RGL1: variants seen among roughly 807,000 people sequenced by gnomAD.
RGL1 encodes ral guanine nucleotide dissociation stimulator-like 1.
RGL1 carries 24 observed loss-of-function variants against 95.2 expected under a neutral mutation model. That is an observed-to-expected ratio of 0.25 (90% confidence interval 0.18 to 0.35). RGL1 has a LOEUF of 0.35. RGL1 is among the 10% of genes least tolerant of loss of function. RGL1 has a pLI of 1.00. For missense variants in RGL1, 715 were observed against 936.3 expected (o/e 0.76, Z 3.08); for synonymous variants, 329 against 344.9 (o/e 0.95, Z 0.51).
intron 1 of RGL1, among the ~76,000 whole-genome samples, chr1:183,715,707 A>G (rs180703157): frequency 1.4e-5 from 2 of 139,446 alleles, no homozygotes; most frequent in African/African-American, 2.6e-5. Flanking sequence ...AACAGAACCA[A>G]TTGGAGACCT....
Position 183,905,010 on chromosome 1 carries a change from G to T in RGL1, c.1472+39G>T, listed in dbSNP as rs540916430. Reference sequence around the variant, plus strand: ...TCGTTCATCGGGGTAGAACTGAAGTGTTGGCAAGAAAAATGCTGCATTTAA... The same window carrying T: ...TCGTTCATCGGGGTAGAACTGAAGTTTTGGCAAGAAAAATGCTGCATTTAA... On this transcript the variant is annotated intron_variant, in intron 13 of 17. Coordinates refer to ENST00000360851, the MANE Select transcript of RGL1 (RefSeq NM_001297671.3). 12 of 1,587,522 alleles carry T rather than the reference G, an allele frequency of 7.6e-6. No homozygotes were observed. In the African/African-American group the frequency reaches 1.4e-4, roughly 18 times the overall value.
At chr1:183,837,716 G>T (rs987084332) in intron 2 of RGL1, among the ~76,000 whole-genome samples, 1 of 152,208 alleles carries the variant, frequency 6.6e-6, no homozygotes, top group African/African-American at 2.4e-5. Context: ...CCTTAGTTCA[G>T]CAGTCCCCAA....
chr1:183,915,300 A>G (rs1308076438), intron 15 of RGL1, among the ~76,000 whole-genome samples: 1 of 152,226 alleles, frequency 6.6e-6, no homozygotes, highest in Non-Finnish European at 1.5e-5. Context: ...TAGGATTAAC[A>G]TGGTATAATT....
chr1:183,691,874 G>A (rs1187774022), intron 1 of RGL1, among the ~76,000 whole-genome samples: 1 of 151,942 alleles, frequency 6.6e-6, no homozygotes, highest in Non-Finnish European at 1.5e-5. Context: ...TAAGAAAAAT[G>A]CTCAGATCAT....
At chr1:183,887,848 C>T (rs546867090) in intron 7 of RGL1, among the ~76,000 whole-genome samples, 114 of 152,070 alleles carry the variant, frequency 7.5e-4, no homozygotes, top group African/African-American at 2.6e-3. Context: ...TTTAAAAGGC[C>T]GAGTTATTTT....
rs1003042820 is a variant in RGL1 at position 183,880,268 on chromosome 1, T to C, written c.426-348T>C. On this transcript the variant is annotated intron_variant, in intron 4 of 17. Coordinates refer to ENST00000360851, the MANE Select transcript of RGL1 (RefSeq NM_001297671.3). ...GGATTTAATTTGAGCATAATCTTAT[T>C]GTGTACAGATTGCTTTGAAGTTTCT... 2.6e-5 allele frequency among the ~76,000 whole-genome samples: 4 copies of C among 152,344 alleles called. No individual in the cohort carries two copies. In the East Asian group the frequency reaches 5.8e-4, roughly 22 times the overall value.
intron 1 of RGL1, among the ~76,000 whole-genome samples, chr1:183,735,276 G>T (rs1378200904): frequency 1.3e-5 from 2 of 152,162 alleles, no homozygotes; most frequent in African/African-American, 4.8e-5. Context: ...GTGCAACCTT[G>T]CTCAGCATTT....
rs1664972065 is a variant in RGL1 at position 183,853,779 on chromosome 1, C to T, written c.347+6005C>T. Among the ~76,000 whole-genome samples, 8 of 152,020 alleles carry T rather than the reference C, an allele frequency of 5.3e-5. No individual in the cohort carries two copies. In the South Asian group the frequency reaches 1.7e-3, roughly 32 times the overall value. On this transcript the variant is annotated intron_variant, in intron 3 of 17. Transcript: ENST00000360851. The stretch of plus-strand genomic sequence containing the variant: ...CCTACTCCTTTCTGACTTGGAAGCT[C>T]TTTCCAAGTGTACAATATCACCTTC...
chr1:183,704,692 A>G (rs775133390), intron 1 of RGL1, among the ~76,000 whole-genome samples: 3 of 152,204 alleles, frequency 2.0e-5, no homozygotes, highest in Non-Finnish European at 4.4e-5. Context: ...GCTGGTTAGC[A>G]TGGTGATGTG....
chr1:183,897,219 C>T (rs1667751797), intron 9 of RGL1, among the ~76,000 whole-genome samples: 1 of 152,116 alleles, frequency 6.6e-6, no homozygotes. Flanking sequence ...ATAACCAAAT[C>T]AGGTGATCTT....
In RGL1 at chr1:183,702,484, C is replaced by T. The variant is rs151067632; in HGVS notation, c.-32-39642C>T. ...ATACCTAGTAGATCCATCAGATGAA[C>T]GCTGGTTGCAAAGTCATTGCATATT... On this transcript the variant is annotated intron_variant, in intron 1 of 18. Coordinates refer to the RGL1 transcript ENST00000304685. Among the ~76,000 whole-genome samples the T allele has an allele frequency of 9.5e-4, 145 of 152,272 alleles. 1 individual carries two copies. The highest frequency in any genetic ancestry group is 3.4e-3 in the African/African-American group (142 of 41,540).
intron 3 of RGL1, among the ~76,000 whole-genome samples, chr1:183,864,728 T>C (rs1028956835): frequency 3.9e-5 from 6 of 152,100 alleles, no homozygotes; most frequent in Admixed American, 3.9e-4. Context: ...AAAATATCTT[T>C]GAGAGGCCAA....
intron 1 of RGL1, among the ~76,000 whole-genome samples, chr1:183,710,996 C>A (rs772691959): frequency 3.3e-5 from 5 of 152,216 alleles, no homozygotes; most frequent in Non-Finnish European, 5.9e-5. Flanking sequence ...AGCTACACTT[C>A]TGCATCTTTG....
At chr1:183,766,865 A>G (rs1401122627) in intron 2 of RGL1, among the ~76,000 whole-genome samples, 1 of 152,130 alleles carries the variant, frequency 6.6e-6, no homozygotes, top group Non-Finnish European at 1.5e-5. Context: ...AATGTTGGAA[A>G]AACATGGGAA....
chr1:183,787,966 A>G (rs1269872152), intron 2 of RGL1, among the ~76,000 whole-genome samples: 1 of 152,102 alleles, frequency 6.6e-6, no homozygotes, highest in African/African-American at 2.4e-5. Flanking sequence ...CTGGTGGTGC[A>G]TCTGCAGAGC....
intron 7 of RGL1, among the ~76,000 whole-genome samples, chr1:183,886,945 T>C (rs1241042451): frequency 6.6e-6 from 1 of 152,102 alleles, no homozygotes; most frequent in Non-Finnish European, 1.5e-5. Context: ...CCTTTTGTAC[T>C]CCTTTAAACC....
Position 183,897,803 on chromosome 1 carries a change from C to T in RGL1, c.1141-5C>T, listed in dbSNP as rs753334897. 5.0e-6 allele frequency: 8 copies of T among 1,611,674 alleles called. No individual in the cohort carries two copies. The South Asian group carries it at 8.8e-5, about 18-fold the overall frequency. ...ATTCCCTCTGTGTGCATTTCTGTTT[C>T]TCAGGAAGGAACCTCAAAATTTGCA... is the stretch of plus-strand genomic sequence containing the variant. On this transcript the variant is annotated splice_region_variant and splice_polypyrimidine_tract_variant and intron_variant, in intron 9 of 17. Coordinates refer to ENST00000360851, the MANE Select transcript of RGL1 (RefSeq NM_001297671.3).
intron 9 of RGL1, among the ~76,000 whole-genome samples, chr1:183,892,822 A>T (rs1468306243): frequency 6.6e-6 from 1 of 152,248 alleles, no homozygotes; most frequent in Non-Finnish European, 1.5e-5. Context: ...AATAAAGACA[A>T]CTAACAGGTT....
At chr1:183,711,424 C>A (rs946352607) in intron 1 of RGL1, among the ~76,000 whole-genome samples, 1 of 152,172 alleles carries the variant, frequency 6.6e-6, no homozygotes, top group Non-Finnish European at 1.5e-5. Context: ...AGCCCTCCAA[C>A]TCTCCCACCC....
Sources: gnomAD v4.1 joint callset for allele counts (sites outside exome capture counted in the v4.1 genomes callset) on GRCh38, gnomAD v4.1.1 for gene constraint, MANE v1.5 for transcripts, NCBI Gene and HGNC (gene_info 2026-07-23, HGNC 2026-07-21) for gene names.